Variants in FBXO11 observed in about 807,000 individuals in gnomAD.
FBXO11 encodes the protein F-box protein 11.
In FBXO11, 13 loss-of-function variants were observed where a neutral mutation model predicts 117.0. That is an observed-to-expected ratio of 0.11 (90% CI 0.07 to 0.18). The LOEUF (loss-of-function observed/expected upper bound fraction) is 0.18. Among genes scored for constraint, FBXO11 ranks in the 10% least tolerant of loss-of-function variants. The pLI is 1.00. For synonymous variants in FBXO11, 490 were observed against 380.5 expected (o/e 1.29, Z -3.35); for missense variants, 767 against 1,164.4 (o/e 0.66, Z 4.97).
chr2:47,849,973 G>C (rs937244558), intron 1 of FBXO11, among the ~76,000 whole-genome samples: 2 of 152,168 alleles, frequency 1.3e-5, no homozygotes, highest in Non-Finnish European at 2.9e-5. Context: ...TTCTGATTTT[G>C]GTTTTAGGAA....
At position 47,905,526 on chromosome 2, in the gene FBXO11, C is replaced by G. The variant is rs1031760510; in HGVS notation, c.195G>C (p.Pro65=). The change falls in exon 1 of 23, where the codon CCG becomes CCC. Residue 65 remains proline, a synonymous_variant. Transcript: ENST00000403359. ...CGTTGTTCCGCTCCTGAGGCAGCGG[C>G]GGAGGCGGCGGTGGCGGCGGCGGAG... The part of the protein sequence containing the change: ...QQPPPPPPPP[P]PLPQERNNVG... 1 of 1,234,832 alleles carries G rather than the reference C, an allele frequency of 8.1e-7. No homozygotes were observed. Among genetic ancestry groups the G allele is most frequent in the Non-Finnish European group, 1.0e-6 (1 of 991,496 alleles). 76.5% of individuals were successfully genotyped at this position (1,234,832 alleles called of 1,614,324 possible). A position where few individuals can be genotyped will look rare whatever the true frequency, so the allele number is the denominator to read the frequency against.
Position 47,887,309 on chromosome 2 carries a change from G to A in FBXO11, c.232+18180C>T, listed in dbSNP as rs547691419. Among the ~76,000 whole-genome samples the A allele has an allele frequency of 2.0e-5, 3 of 151,044 alleles. 1 individual carries two copies. Among genetic ancestry groups the A allele is most frequent in the African/African-American group, 4.9e-5 (2 of 41,154 alleles). On this transcript the variant is annotated intron_variant, in intron 1 of 22. Coordinates refer to ENST00000403359, the MANE Select transcript of FBXO11 (RefSeq NM_001190274.2). The stretch of plus-strand genomic sequence containing the variant: ...TCAAAAAAAAAAGGTGGGGGGGAGG[G>A]GGGAGACAAGACCCTATCTCGAATT...
intron 12 of FBXO11, 139 bp from the exon 13 acceptor site, chr2:47,822,442 GC>G: frequency 1.7e-6 from 1 of 576,836 alleles, no homozygotes; most frequent in Non-Finnish European, 3.0e-6. Flanking sequence ...TATTTCTAAG[GC>G]CTAAGACTTT....
intron 1 of FBXO11, among the ~76,000 whole-genome samples, chr2:47,875,565 T>C (rs1675940730): frequency 6.6e-6 from 1 of 151,942 alleles, no homozygotes; most frequent in Admixed American, 6.5e-5. Flanking sequence ...TAGTAAAATA[T>C]TTCAATATAT....
At chr2:47,858,931 C>CAGG (rs2103725468) in intron 1 of FBXO11, among the ~76,000 whole-genome samples, 1 of 150,564 alleles carries the variant, frequency 6.6e-6, no homozygotes, top group East Asian at 2.0e-4. Flanking sequence ...CCCAGCTACT[C>CAGG]AGGAGGCTGA....
intron 1 of FBXO11, among the ~76,000 whole-genome samples, chr2:47,841,861 T>G (rs1024466672): frequency 2.0e-5 from 3 of 150,404 alleles, no homozygotes; most frequent in African/African-American, 4.9e-5. Flanking sequence ...GGATGGTCTC[T>G]AACTCCTGAC....
chr2:47,872,917 T>C (rs531185378), intron 1 of FBXO11, among the ~76,000 whole-genome samples: 7 of 152,206 alleles, frequency 4.6e-5, no homozygotes, highest in African/African-American at 1.7e-4. Context: ...ACATTTAACA[T>C]TTTTATTTCT....
chr2:47,827,480 T>G (rs529550953), intron 11 of FBXO11, among the ~76,000 whole-genome samples: 7 of 152,112 alleles, frequency 4.6e-5, no homozygotes, highest in African/African-American at 1.7e-4. Flanking sequence ...CTAATTTTTG[T>G]ATTTTTAGTA....
intron 11 of FBXO11, among the ~76,000 whole-genome samples, chr2:47,825,571 C>CTTCT (rs1553339094): frequency 2.0e-4 from 18 of 88,306 alleles, no homozygotes; most frequent in African/African-American, 8.1e-4. Context: ...TCTTCTTCTT[C>CTTCT]TTTTTTTTTT....
At chr2:47,847,958 A>G (rs1388104925) in intron 1 of FBXO11, among the ~76,000 whole-genome samples, 1 of 151,676 alleles carries the variant, frequency 6.6e-6, no homozygotes, top group African/African-American at 2.4e-5. Context: ...CCCCATCTCT[A>G]CTAAAAATAC....
intron 13 of FBXO11, among the ~76,000 whole-genome samples, chr2:47,820,934 C>T (rs1020430468): frequency 3.3e-5 from 5 of 152,222 alleles, no homozygotes; most frequent in Admixed American, 2.6e-4. Flanking sequence ...ATATTGGTGT[C>T]TGGCACACAG....
intron 1 of FBXO11, among the ~76,000 whole-genome samples, chr2:47,869,654 G>A (rs180799636): frequency 6.6e-6 from 1 of 152,224 alleles, no homozygotes; most frequent in African/African-American, 2.4e-5. Context: ...TACAGAATGG[G>A]TAGTGGTAGT....
chr2:47,856,918 A>C (rs1240286417), intron 1 of FBXO11, among the ~76,000 whole-genome samples: 1 of 152,220 alleles, frequency 6.6e-6, no homozygotes, highest in Non-Finnish European at 1.5e-5. Context: ...TTAAGCTTTA[A>C]GTATATGATT....
At chr2:47,881,510 C>T (rs1257610925) in intron 1 of FBXO11, among the ~76,000 whole-genome samples, 2 of 152,046 alleles carry the variant, frequency 1.3e-5, no homozygotes, top group African/African-American at 4.8e-5. Flanking sequence ...CCTATTTAAT[C>T]AATAGTATTG....
intron 1 of FBXO11, among the ~76,000 whole-genome samples, chr2:47,844,818 T>C (rs1271512357): frequency 6.6e-6 from 1 of 152,100 alleles, no homozygotes; most frequent in African/African-American, 2.4e-5. Flanking sequence ...TGTATTTCTG[T>C]AGAGACATGG....
intron 1 of FBXO11, chr2:47,905,246 C>A (rs1054762827): frequency 1.1e-5 from 3 of 266,970 alleles, no homozygotes; most frequent in Admixed American, 1.1e-4. Context: ...GCTGAGCCCC[C>A]GAAACCAAAC....
chr2:47,852,263 T>G (rs1430285648), intron 1 of FBXO11, among the ~76,000 whole-genome samples: 1 of 152,178 alleles, frequency 6.6e-6, no homozygotes, highest in Admixed American at 6.5e-5. Context: ...GTGCTGGGAT[T>G]ACAGGTATGA....
At chr2:47,829,181 C>G (rs1297455216) in intron 11 of FBXO11, among the ~76,000 whole-genome samples, 4 of 152,000 alleles carry the variant, frequency 2.6e-5, no homozygotes, top group Non-Finnish European at 5.9e-5. Flanking sequence ...AGGCGTGACC[C>G]ACTGCACCCG....
chr2:47,904,110 T>C (rs904073685), intron 1 of FBXO11, among the ~76,000 whole-genome samples: 1 of 152,236 alleles, frequency 6.6e-6, no homozygotes, highest in Non-Finnish European at 1.5e-5. Context: ...TTGTTAAATA[T>C]TGTGATCAAG....
Sources: allele counts gnomAD v4.1 joint callset (sites outside exome capture counted in the v4.1 genomes callset), GRCh38; gene constraint gnomAD v4.1.1; transcripts MANE v1.5; gene names NCBI Gene and HGNC (gene_info 2026-07-23, HGNC 2026-07-21).